The following CCS variants were observed in gnomAD, a reference collection of about 807,000 sequenced individuals.
CCS encodes the protein copper chaperone for superoxide dismutase.
In CCS, 32 loss-of-function variants were observed where a neutral mutation model predicts 35.5. The ratio of observed to expected loss-of-function variants is 0.90; its 90% CI spans 0.68 to 1.21. The LOEUF is 1.21. CCS is among the 50% of genes most tolerant of loss of function. The probability of loss-of-function intolerance (pLI) is 0.00; values close to 1 mark genes in which losing one functional copy is unlikely to be tolerated. For missense variants in CCS, 342 were observed against 375.4 expected, an observed-to-expected ratio of 0.91 and a Z score of 0.73; for synonymous variants, 130 against 147.2, an observed-to-expected ratio of 0.88 and a Z score of 0.84.
At position 66,600,529 on chromosome 11, in the gene CCS, G is replaced by A. The variant is rs934899550; in HGVS notation, c.469G>A (p.Gly157Ser). Reference protein sequence around the residue: ...HFNPDGASHGGPQDSDRHRGD... With the variant: ...HFNPDGASHGSPQDSDRHRGD... Reference sequence around the variant, plus strand: ...TAACCCTGATGGAGCATCTCATGGGGGCCCCCAGGACTCTGACCGGGTAAG... The same window carrying A: ...TAACCCTGATGGAGCATCTCATGGGAGCCCCCAGGACTCTGACCGGGTAAG... The change falls in exon 5 of 8, where the codon GGC (glycine) becomes AGC (serine). Residue 157 changes from glycine to serine, a missense_variant. By Grantham distance (56) the Gly-to-Ser change is moderately conservative. Coordinates refer to ENST00000533244, the MANE Select transcript of CCS (RefSeq NM_005125.2). 9 of 1,531,422 alleles carry A rather than the reference G, an allele frequency of 5.9e-6. No homozygotes were observed. Among genetic ancestry groups the A allele is most frequent in the Non-Finnish European group, 7.1e-6 (8 of 1,133,926 alleles). The allele number at this position is 1,531,422 out of a possible 1,614,324, so 94.9% of individuals were successfully genotyped here.
rs761007631 is a variant in CCS at position 66,593,712 on chromosome 11, CAGGTAAGAACAGGGTAA to C, written c.112_112+16del. 5 of 1,613,836 alleles carry C rather than the reference CAGGTAAGAACAGGGTAA, an allele frequency of 3.1e-6. No individual in the cohort carries two copies. The East Asian group carries it at 1.1e-4, about 36-fold the overall frequency. On this transcript the variant is annotated splice_donor_variant and splice_donor_5th_base_variant and coding_sequence_variant and intron_variant, in exon 2 of 8. Coordinates refer to ENST00000533244, the MANE Select transcript of CCS (RefSeq NM_005125.2). LOFTEE classifies it high-confidence loss of function. ...GTGCGCAAATCCCTGCAAGGGGTGG[CAGGTAAGAACAGGGTAA>C]ACTTTTCTGCAGACAGTCCAGAAGC... is the stretch of plus-strand genomic sequence containing the variant.
intron 4 of CCS, 28 bp from the exon 5 acceptor site, chr11:66,600,461 C>T: frequency 6.8e-7 from 1 of 1,470,490 alleles, no homozygotes; most frequent in Non-Finnish European, 9.1e-7. Context: ...AGCTGCTTTC[C>T]TGCCCACCTG....
intron 2 of CCS, among the ~76,000 whole-genome samples, chr11:66,596,524 C>T (rs1321885911): frequency 4.0e-5 from 6 of 151,878 alleles, no homozygotes; most frequent in South Asian, 4.2e-4. Context: ...GGACTACAGG[C>T]GCCCGCCACC....
intron 5 of CCS, among the ~76,000 whole-genome samples, chr11:66,601,848 G>A (rs1858577418): frequency 6.6e-6 from 1 of 151,990 alleles, no homozygotes; most frequent in South Asian, 2.1e-4. Context: ...TTAGGATTAT[G>A]AGCATGAGCC....
chr11:66,595,007 T>A (rs141530075), intron 2 of CCS, among the ~76,000 whole-genome samples: 4 of 152,202 alleles, frequency 2.6e-5, no homozygotes, highest in Non-Finnish European at 4.4e-5. Context: ...CTGGTAGTGG[T>A]GGACTCTGTA....
intron 2 of CCS, among the ~76,000 whole-genome samples, chr11:66,598,526 AT>A (rs1354105383): frequency 6.7e-6 from 1 of 149,136 alleles, no homozygotes; most frequent in Non-Finnish European, 1.5e-5. Context: ...AAAAAAAAAA[AT>A]ATTTTTTAAG....
intron 2 of CCS, among the ~76,000 whole-genome samples, chr11:66,596,594 A>G (rs1259595759): frequency 6.6e-6 from 1 of 151,892 alleles, no homozygotes; most frequent in Non-Finnish European, 1.5e-5. Flanking sequence ...GTTAGCCAGG[A>G]TGGTCTCGAT....
chr11:66,594,770 C>T (rs563844167), intron 2 of CCS, among the ~76,000 whole-genome samples: 1 of 141,710 alleles, frequency 7.1e-6, no homozygotes, highest in South Asian at 2.2e-4. Flanking sequence ...GTGAGACCCT[C>T]TCTCAAAAAA....
chr11:66,597,677 A>G (rs1858501028), intron 2 of CCS, among the ~76,000 whole-genome samples: 1 of 151,502 alleles, frequency 6.6e-6, no homozygotes, highest in Admixed American at 6.6e-5. Context: ...GCGTGAACCC[A>G]GGAGGTGAAG....
intron 2 of CCS, among the ~76,000 whole-genome samples, chr11:66,598,771 T>A (rs532310006): frequency 6.6e-6 from 1 of 152,048 alleles, no homozygotes; most frequent in Non-Finnish European, 1.5e-5. Flanking sequence ...TTTTATCTTT[T>A]GGCTATTGTG....
chr11:66,593,296 G>T lies in CCS; in HGVS notation c.35G>T (p.Cys12Phe). The T allele has an allele frequency of 6.5e-7, 1 of 1,548,688 alleles. No homozygotes were observed. The highest frequency in any genetic ancestry group is 1.2e-5 in the South Asian group (1 of 83,612). Residue 12 changes from cysteine to phenylalanine, a missense_variant, in exon 1 of 8, where the codon TGC (cysteine) becomes TTC (phenylalanine). By Grantham distance (205) the Cys-to-Phe change is radical. Coordinates refer to ENST00000533244, the MANE Select transcript of CCS (RefSeq NM_005125.2). ...GATTCGGGGAACCAGGGGACCCTCTGCACGGTGAGGGTCGAGGCTTCGTGT... is the reference window on the plus strand; with the variant it reads ...GATTCGGGGAACCAGGGGACCCTCTTCACGGTGAGGGTCGAGGCTTCGTGT... ...ASDSGNQGTL[C>F]TLEFAVQMTC...
chr11:66,597,480 T>C (rs904411185), intron 2 of CCS, among the ~76,000 whole-genome samples: 1 of 142,092 alleles, frequency 7.0e-6, no homozygotes, highest in African/African-American at 2.7e-5. Context: ...AGGCCAGGTG[T>C]GGTGGCTCAT....
At chr11:66,604,411 G>T (rs1052909525) in intron 5 of CCS, among the ~76,000 whole-genome samples, 8 of 152,214 alleles carry the variant, frequency 5.3e-5, no homozygotes, top group African/African-American at 1.7e-4. Flanking sequence ...CTGCCCATCA[G>T]TTGGTGGCAC....
chr11:66,597,124 T>C (rs1200411486), intron 2 of CCS, among the ~76,000 whole-genome samples: 2 of 152,198 alleles, frequency 1.3e-5, no homozygotes, highest in African/African-American at 4.8e-5. Flanking sequence ...CTACTAATGA[T>C]GGCAATAGTC....
At chr11:66,599,852 C>CAT (rs1858544792) in intron 4 of CCS, 1 of 499,516 alleles carries the variant, frequency 2.0e-6, no homozygotes, top group African/African-American at 2.0e-5. Flanking sequence ...CACAGTAGCT[C>CAT]ACACCTGTAA....
In CCS at chr11:66,605,919, G is replaced by C; in HGVS notation, c.*64G>C. ...CGAGCACTTTCCACTTCCAGAGGGGGCCAGAGGGACTTTGCCTGCCCAGTC... is the reference window on the plus strand; with the variant it reads ...CGAGCACTTTCCACTTCCAGAGGGGCCCAGAGGGACTTTGCCTGCCCAGTC... On this transcript the variant is annotated 3_prime_UTR_variant, in exon 8 of 8. Coordinates refer to ENST00000533244, the MANE Select transcript of CCS (RefSeq NM_005125.2). 1 of 1,436,066 alleles carries C rather than the reference G, an allele frequency of 7.0e-7. No homozygotes were observed. Among genetic ancestry groups the C allele is most frequent in the Non-Finnish European group, 9.1e-7 (1 of 1,094,416 alleles). The allele number at this position is 1,436,066 out of a possible 1,614,324, so 89.0% of individuals were successfully genotyped here.
intron 4 of CCS, chr11:66,599,886 T>G (rs1203093829): frequency 2.5e-6 from 1 of 399,726 alleles, no homozygotes; most frequent in African/African-American, 2.2e-5. Context: ...GAGGCTGAGG[T>G]GGGCGGATCA....
Position 66,599,224 on chromosome 11 carries a change from T to C in CCS, c.221T>C (p.Val74Ala). The change falls in exon 3 of 8, where the codon GTA (valine) becomes GCA (alanine). Residue 74 changes from valine (V) to alanine (A), a missense_variant. Transcript: ENST00000533244. The stretch of plus-strand genomic sequence containing the variant: ...CTGGAAGGCACGGGGCGGCAGGCGG[T>C]ACTCAAGGGCATGGGCAGCGGCCAG... The part of the protein sequence containing the change: ...ALLEGTGRQA[V>A]LKGMGSGQLQ... 1 of 1,611,600 alleles carries C rather than the reference T, an allele frequency of 6.2e-7. No individual in the cohort carries two copies. The highest frequency in any genetic ancestry group is 8.5e-7 in the Non-Finnish European group (1 of 1,178,990).
chr11:66,596,161 G>A lies in CCS; in HGVS notation c.112+2447G>A, dbSNP rs553839740. On this transcript the variant is annotated intron_variant, in intron 2 of 7. Coordinates refer to ENST00000533244, the MANE Select transcript of CCS (RefSeq NM_005125.2). Reference sequence around the variant, plus strand: ...CAGCTCACTGCAACCTCCACCTCCCGGTTCATTTGATTCTCCCACCTCAGC... The same window carrying A: ...CAGCTCACTGCAACCTCCACCTCCCAGTTCATTTGATTCTCCCACCTCAGC... 4.6e-5 allele frequency among the ~76,000 whole-genome samples: 7 copies of A among 152,092 alleles called. No homozygotes were observed. The South Asian group carries it at 1.2e-3, about 27-fold the overall frequency.
Sources: allele counts gnomAD v4.1 joint callset (sites outside exome capture counted in the v4.1 genomes callset), GRCh38; gene constraint gnomAD v4.1.1; transcripts MANE v1.5; gene names NCBI Gene and HGNC (gene_info 2026-07-23, HGNC 2026-07-21).